Variants in TRPC5 observed in about 807,000 individuals in gnomAD.
TRPC5 encodes the protein transient receptor potential cation channel subfamily C member 5, also known as short transient receptor potential channel 5.
TRPC5 carries 9 observed loss-of-function variants against 56.5 expected under a neutral mutation model. The ratio of observed to expected loss-of-function variants is 0.16; its 90% CI spans 0.10 to 0.28. TRPC5 has a LOEUF of 0.28. TRPC5 is among the 10% of genes least tolerant of loss of function. The probability of loss-of-function intolerance (pLI) is 1.00; values close to 1 mark genes in which losing one functional copy is unlikely to be tolerated. For missense variants in TRPC5, 469 were observed against 748.9 expected (o/e 0.63, Z 4.36); for synonymous variants, 282 against 278.5 (o/e 1.01, Z -0.13).
At chrX:111,789,070 A>C (rs1734527686) in intron 7 of TRPC5, among the ~76,000 whole-genome samples, 1 of 112,163 alleles carries the variant, frequency 8.9e-6, no homozygotes, top group Admixed American at 9.5e-5. Flanking sequence ...ACTACTTTAA[A>C]GTTCACATGG....
intron 7 of TRPC5, among the ~76,000 whole-genome samples, chrX:111,793,521 A>G (rs911651311): frequency 4.5e-5 from 5 of 111,820 alleles, no homozygotes; most frequent in African/African-American, 9.7e-5. Context: ...ACCCAATAGG[A>G]TGACTATTAT....
At chrX:111,865,101 C>T (rs1006168446) in intron 3 of TRPC5, among the ~76,000 whole-genome samples, 23 of 110,710 alleles carry the variant, frequency 2.1e-4, no homozygotes, top group Admixed American at 7.7e-4. Context: ...CTGCAATCTC[C>T]GCCTCCCTGG....
At chrX:111,978,927 C>T (rs753354642) in intron 1 of TRPC5, among the ~76,000 whole-genome samples, 2 of 111,463 alleles carry the variant, frequency 1.8e-5, no homozygotes, top group South Asian at 7.6e-4. Context: ...CAGCTAACAT[C>T]ATACTTCATT....
intron 1 of TRPC5, among the ~76,000 whole-genome samples, chrX:111,999,216 C>T (rs1928631038): frequency 9.0e-6 from 1 of 111,351 alleles, no homozygotes; most frequent in Admixed American, 9.6e-5. Flanking sequence ...ATTATTCCTT[C>T]TATCTAACTG....
chrX:111,789,099 A>T (rs1945995616), intron 7 of TRPC5, among the ~76,000 whole-genome samples: 1 of 112,131 alleles, frequency 8.9e-6, no homozygotes. Flanking sequence ...AAGAGCCCAC[A>T]TTGCCAAAAC....
chrX:111,770,335 T>C lies in TRPC5; in HGVS notation c.*5978A>G. On this transcript the variant is annotated 3_prime_UTR_variant, in exon 11 of 11. Transcript: ENST00000262839. ...TTATGGGTGTGGTGTGTTGAACTTA[T>C]ATTTACAGTGATCCCAAGGTTGAGA... 9.0e-6 allele frequency among the ~76,000 whole-genome samples: 1 copy of C among 111,714 alleles called. No individual in the cohort carries two copies. Among genetic ancestry groups the C allele is most frequent in the Non-Finnish European group, 1.9e-5 (1 of 53,108 alleles).
intron 7 of TRPC5, among the ~76,000 whole-genome samples, chrX:111,782,730 A>G (rs927974247): frequency 9.1e-6 from 1 of 110,480 alleles, no homozygotes; most frequent in African/African-American, 3.3e-5. Context: ...CAATTTACAC[A>G]GAATAAAATT....
chrX:111,823,982 G>A (rs1364827012), intron 7 of TRPC5, among the ~76,000 whole-genome samples: 1 of 111,305 alleles, frequency 9.0e-6, no homozygotes, highest in Admixed American at 9.5e-5. Context: ...TGTAATCCTA[G>A]CACTTTGGGA....
rs1359421664 is a variant in TRPC5, at chrX:111,989,988, C to T, written c.-21-37547G>A. On this transcript the variant is annotated intron_variant, in intron 1 of 10. Transcript: ENST00000262839. ...GGTTTCTTGGATTGGGAGAAAGTTG[C>T]CAGCTTTATCTGTAGTGTTCTATTC... Among the ~76,000 whole-genome samples the T allele has an allele frequency of 2.7e-5, 3 of 112,220 alleles. No individual in the cohort carries two copies. The Admixed American group carries it at 2.8e-4, about 11-fold the overall frequency.
At chrX:111,791,471 G>A (rs759458865) in intron 7 of TRPC5, among the ~76,000 whole-genome samples, 49 of 112,052 alleles carry the variant, frequency 4.4e-4, no homozygotes, top group African/African-American at 1.5e-3. Flanking sequence ...TTGGTGGCAA[G>A]TTGACCGTAT....
intron 7 of TRPC5, among the ~76,000 whole-genome samples, chrX:111,796,252 T>C (rs1921088851): frequency 8.9e-6 from 1 of 111,934 alleles, no homozygotes; most frequent in African/African-American, 3.2e-5. Flanking sequence ...TGGTTTCCTA[T>C]AGTTCTTTGA....
chrX:111,956,118 A>G (rs1927228646), intron 1 of TRPC5, among the ~76,000 whole-genome samples: 1 of 112,886 alleles, frequency 8.9e-6, no homozygotes, highest in Non-Finnish European at 1.9e-5. Flanking sequence ...TGGACTTGGC[A>G]GAAGGCCAGG....
At chrX:111,950,168 C>CA (rs757718243) in intron 2 of TRPC5, among the ~76,000 whole-genome samples, 10 of 110,115 alleles carry the variant, frequency 9.1e-5, no homozygotes, top group Non-Finnish European at 3.8e-5. Flanking sequence ...ACTACAAATA[C>CA]AAAAAAATTA....
At chrX:112,023,234 GT>G (rs749260030) in intron 1 of TRPC5, among the ~76,000 whole-genome samples, 751 of 45,929 alleles carry the variant, frequency 0.016, 3 homozygotes, top group African/African-American at 0.026. Context: ...GCGCCCAGCA[GT>G]TTTTTTTTTT....
At chrX:112,023,058 C>A (rs900771739) in intron 1 of TRPC5, among the ~76,000 whole-genome samples, 1 of 109,430 alleles carries the variant, frequency 9.1e-6, no homozygotes, top group African/African-American at 3.3e-5. Context: ...CCTCAGCCTC[C>A]CGAGTAGCTG....
intron 1 of TRPC5, among the ~76,000 whole-genome samples, chrX:112,032,526 G>A (rs1307642928): frequency 8.9e-6 from 1 of 112,144 alleles, no homozygotes; most frequent in Non-Finnish European, 1.9e-5. Flanking sequence ...TAAATCCATT[G>A]ATGGGCATTT....
intron 3 of TRPC5, among the ~76,000 whole-genome samples, chrX:111,909,376 T>A (rs1013741016): frequency 2.7e-5 from 3 of 109,347 alleles, no homozygotes; most frequent in Non-Finnish European, 5.7e-5. Context: ...ATTAATTTTT[T>A]AAGTGTGTCC....
At chrX:111,785,915 G>A (rs762892404) in intron 7 of TRPC5, among the ~76,000 whole-genome samples, 1 of 111,666 alleles carries the variant, frequency 9.0e-6, no homozygotes, top group Non-Finnish European at 1.9e-5. Context: ...TGGGACTATG[G>A]GAAAAGACCA....
At chrX:112,026,501 A>C (rs1256273476) in intron 1 of TRPC5, among the ~76,000 whole-genome samples, 1 of 112,130 alleles carries the variant, frequency 8.9e-6, no homozygotes, top group African/African-American at 3.2e-5. Context: ...AAGTTAAATA[A>C]AACAATAAAT....
Sources: allele counts gnomAD v4.1 joint callset (sites outside exome capture counted in the v4.1 genomes callset), GRCh38; gene constraint gnomAD v4.1.1; transcripts MANE v1.5; gene names NCBI Gene and HGNC (gene_info 2026-07-23, HGNC 2026-07-21).